Variants in GPR174 observed in about 807,000 individuals in gnomAD.
GPR174 encodes the protein probable G protein-coupled receptor 174.
Under a neutral mutation model 16.5 loss-of-function variants are expected in GPR174, and 8 were observed. That is an observed-to-expected ratio of 0.48 (90% CI 0.28 to 0.87). GPR174 has a LOEUF of 0.87. Ranked by LOEUF, GPR174 falls within the 40% of genes least tolerant of loss-of-function variation. The pLI, the probability that GPR174 is intolerant of heterozygous loss-of-function variation, is 0.09. For missense variants in GPR174, 214 were observed against 247.5 expected (o/e 0.86, Z 0.91); for synonymous variants, 111 against 94.8 (o/e 1.17, Z -0.99).
rs61641762 is a variant in GPR174 at position 79,158,778 on chromosome X, TAA to T, written c.-557+1874_-557+1875del. Among the ~76,000 whole-genome samples the T allele has an allele frequency of 1.6e-4, 13 of 80,194 alleles. No individual in the cohort carries two copies. The East Asian group carries it at 1.8e-3, about 11-fold the overall frequency. 69.6% of individuals were successfully genotyped at this position (80,194 alleles called of 115,157 possible). A position where few individuals can be genotyped will look rare whatever the true frequency, so the allele number is the denominator to read the frequency against. ...ATTTCTATTGTCAAAAGTTAATGAG[TAA>T]AAAAAAAAAAAAACAGTTAAAAAGA... On this transcript the variant is annotated intron_variant, in intron 2 of 2. Transcript: ENST00000645147.
Position 79,173,388 on chromosome X carries a change from A to G in GPR174, c.*1379A>G, listed in dbSNP as rs1456750627. 8.9e-6 allele frequency: 1 copy of G among 112,284 alleles called. No homozygotes were observed. Among genetic ancestry groups the G allele is most frequent in the Non-Finnish European group, 1.9e-5 (1 of 53,235 alleles). The allele number at this position is 112,284 out of a possible 1,213,427, so 9.3% of individuals were successfully genotyped here. A position where few individuals can be genotyped will look rare whatever the true frequency, so the allele number is the denominator to read the frequency against. ...CAGACCCAGGATATTAGTCGTAATT[A>G]AACCTTAGGTTGTAAGTATTAGAAT... On this transcript the variant is annotated 3_prime_UTR_variant, in exon 3 of 3. Transcript: ENST00000645147.
rs1361608730 is a variant in GPR174, at chrX:79,171,147, A to G, written c.140A>G (p.Tyr47Cys). 1 of 1,205,764 alleles carries G rather than the reference A, an allele frequency of 8.3e-7. No individual in the cohort carries two copies. Among genetic ancestry groups the G allele is most frequent in the Non-Finnish European group, 1.1e-6 (1 of 892,491 alleles). ...NILALWVFYG[Y>C]MKETKRAVIF... ...TTAGCCCTGTGGGTATTCTATGGTT[A>G]TATGAAAGAAACAAAACGAGCTGTG... The change falls in exon 3 of 3, where the codon TAT (tyrosine) becomes TGT (cysteine). Residue 47 changes from tyrosine to cysteine, a missense_variant. Physicochemically the swap from Tyr to Cys is radical, Grantham distance 194. Transcript: ENST00000645147.
At chrX:79,155,736 T>C (rs1368406522) in intron 1 of GPR174, among the ~76,000 whole-genome samples, 1 of 112,109 alleles carries the variant, frequency 8.9e-6, no homozygotes, top group African/African-American at 3.2e-5. Context: ...CAACTGAAGC[T>C]GGCATTAGAA....
Position 79,170,747 on chromosome X carries a change from G to GT in GPR174, c.-260dup. On this transcript the variant is annotated 5_prime_UTR_variant, in exon 3 of 3. An upstream open reading frame in the 5' UTR gains an earlier in-frame stop. Transcript: ENST00000645147. ...CTTAAAATAAACAAGAGGGGAAATT[G>GT]TAACAGCTTGTCATCTGTGCTTGTA... 1 of 345,983 alleles carries GT rather than the reference G, an allele frequency of 2.9e-6. No individual in the cohort carries two copies. 28.5% of individuals were successfully genotyped at this position (345,983 alleles called of 1,213,427 possible). A position where few individuals can be genotyped will look rare whatever the true frequency, so the allele number is the denominator to read the frequency against.
Position 79,171,002 on chromosome X carries a change from A to G in GPR174, c.-6A>G, listed in dbSNP as rs780951627. The G allele has an allele frequency of 1.7e-6, 2 of 1,177,197 alleles. No individual in the cohort carries two copies. Among genetic ancestry groups the G allele is most frequent in the African/African-American group, 1.8e-5 (1 of 56,257 alleles). ...TTAGGCAAAGATAGTTTCTCTAGAGAGAATCATGCCTGCTAATTACACGTG... is the reference window on the plus strand; with the variant it reads ...TTAGGCAAAGATAGTTTCTCTAGAGGGAATCATGCCTGCTAATTACACGTG... On this transcript the variant is annotated 5_prime_UTR_variant, in exon 3 of 3. Coordinates refer to ENST00000645147, the MANE Select transcript of GPR174 (RefSeq NM_032553.3).
At chrX:79,152,286 C>T (rs965246656) in intron 1 of GPR174, among the ~76,000 whole-genome samples, 3 of 111,812 alleles carry the variant, frequency 2.7e-5, no homozygotes, top group Non-Finnish European at 5.7e-5. Context: ...CAAGTTTACA[C>T]ATCAACCATC....
chrX:79,147,816 A>G (rs2147446561), intron 1 of GPR174, among the ~76,000 whole-genome samples: 1 of 111,989 alleles, frequency 8.9e-6, no homozygotes, highest in African/African-American at 3.2e-5. Context: ...CTGAAAAGGA[A>G]TACAGTAATT....
chrX:79,165,690 G>C (rs901993784), intron 2 of GPR174, among the ~76,000 whole-genome samples: 7 of 111,111 alleles, frequency 6.3e-5, no homozygotes, highest in Non-Finnish European at 1.3e-4. Context: ...CTTGATAACT[G>C]GTTTTATTTT....
At chrX:79,147,904 G>A (rs190676893) in intron 1 of GPR174, among the ~76,000 whole-genome samples, 9 of 111,826 alleles carry the variant, frequency 8.0e-5, no homozygotes, top group Non-Finnish European at 1.7e-4. Context: ...GGTTCTTCTG[G>A]TATAGTCTTT....
chrX:79,152,594 G>T (rs904462797), intron 1 of GPR174, among the ~76,000 whole-genome samples: 1 of 111,447 alleles, frequency 9.0e-6, no homozygotes, highest in Non-Finnish European at 1.9e-5. Flanking sequence ...CACCTCCTCT[G>T]TCTGTGCTCC....
At chrX:79,169,188 T>TA (rs1270292397) in intron 2 of GPR174, among the ~76,000 whole-genome samples, 1 of 111,147 alleles carries the variant, frequency 9.0e-6, no homozygotes. Context: ...ATTGAGGAAA[T>TA]ACAGTATGCT....
chrX:79,157,650 A>G (rs1188517290), intron 2 of GPR174, among the ~76,000 whole-genome samples: 2 of 112,071 alleles, frequency 1.8e-5, no homozygotes, highest in Non-Finnish European at 3.8e-5. Flanking sequence ...TAGGTGAATC[A>G]CTTGAATGCT....
In GPR174 at chrX:79,144,988, TTCTTTCTCTCTCTCTC is replaced by T. The variant is rs1326378688; in HGVS notation, c.-875_-860del. 8 of 63,482 alleles carry T rather than the reference TTCTTTCTCTCTCTCTC, an allele frequency of 1.3e-4. No homozygotes were observed. Among genetic ancestry groups the T allele is most frequent in the Non-Finnish European group, 2.2e-4 (7 of 32,277 alleles). 5.2% of individuals were successfully genotyped at this position (63,482 alleles called of 1,213,427 possible). A position where few individuals can be genotyped will look rare whatever the true frequency, so the allele number is the denominator to read the frequency against. ...TTTCTCTTTCTTTCTTTTTCTTTCT[TTCTTTCTCTCTCTCTC>T]TCTTTCTTTCTTTCTTTCTTTCTTT... is the stretch of plus-strand genomic sequence containing the variant. On this transcript the variant is annotated 5_prime_UTR_variant, in exon 1 of 3. Transcript: ENST00000645147.
At position 79,174,479 on chromosome X, in the gene GPR174, A is replaced by G. The variant is rs574081480; in HGVS notation, c.*2470A>G. 2.8e-5 allele frequency: 3 copies of G among 108,961 alleles called. No individual in the cohort carries two copies. Among genetic ancestry groups the G allele is most frequent in the African/African-American group, 1.0e-4 (3 of 29,902 alleles). 9.0% of individuals were successfully genotyped at this position (108,961 alleles called of 1,213,427 possible). ...GCATTAAACCAAAGTGGTGACTTTC[A>G]ATGGAGGGCTAATACATACTGAAGC... On this transcript the variant is annotated 3_prime_UTR_variant, in exon 3 of 3. Transcript: ENST00000645147.
intron 2 of GPR174, among the ~76,000 whole-genome samples, chrX:79,161,685 C>A (rs1230626386): frequency 1.8e-5 from 2 of 111,643 alleles, no homozygotes; most frequent in Non-Finnish European, 3.8e-5. Context: ...AACAAACCAG[C>A]AGGTAAATTT....
At chrX:79,150,895 G>A (rs967418424) in intron 1 of GPR174, among the ~76,000 whole-genome samples, 4 of 111,060 alleles carry the variant, frequency 3.6e-5, no homozygotes, top group Non-Finnish European at 5.7e-5. Context: ...GATTTTGGAC[G>A]TACATTTAGG....
chrX:79,149,116 T>A (rs914891119), intron 1 of GPR174, among the ~76,000 whole-genome samples: 3 of 111,780 alleles, frequency 2.7e-5, no homozygotes, highest in African/African-American at 9.7e-5. Flanking sequence ...ACAGAGTCTA[T>A]TTTTTTAAAT....
In GPR174 at chrX:79,156,284, A is replaced by C. The variant is rs1421432069; in HGVS notation, c.-653-538A>C. On this transcript the variant is annotated intron_variant, in intron 1 of 2. Coordinates refer to ENST00000645147, the MANE Select transcript of GPR174 (RefSeq NM_032553.3). ...TCACCATACATAAGAAACTATCTAC[A>C]AGCATTTTAAGGGTACATGTAAGGC... 2.7e-5 allele frequency among the ~76,000 whole-genome samples: 3 copies of C among 111,920 alleles called. No homozygotes were observed. The Admixed American group carries it at 2.8e-4, about 11-fold the overall frequency.
chrX:79,171,552 C>A lies in GPR174; in HGVS notation c.545C>A (p.Ser182Tyr). 8.3e-7 allele frequency: 1 copy of A among 1,211,066 alleles called. No individual in the cohort carries two copies. The highest frequency in any genetic ancestry group is 1.1e-6 in the Non-Finnish European group (1 of 895,306). Residue 182 changes from serine (S) to tyrosine (Y), a missense_variant, in exon 3 of 3, where the codon TCC becomes TAC. Physicochemically the swap from Ser to Tyr is moderately radical, Grantham distance 144. Coordinates refer to ENST00000645147, the MANE Select transcript of GPR174 (RefSeq NM_032553.3). ...LPTRNVNLAQSVVMMTIGELI... is the reference protein window; with the variant it reads ...LPTRNVNLAQYVVMMTIGELI... The stretch of plus-strand genomic sequence containing the variant: ...ACCAGGAATGTCAACCTGGCCCAGT[C>A]CGTTGTTATGATGACCATTGGCGAG...
Sources: gnomAD v4.1 joint callset for allele counts (sites outside exome capture counted in the v4.1 genomes callset) on GRCh38, gnomAD v4.1.1 for gene constraint, MANE v1.5 for transcripts, NCBI Gene and HGNC (gene_info 2026-07-23, HGNC 2026-07-21) for gene names.